Variants in NELL1 observed in about 807,000 individuals in gnomAD.
The protein encoded by NELL1 is protein kinase C-binding protein NELL1.
In NELL1, 76 loss-of-function variants were observed where a neutral mutation model predicts 107.4. The observed-to-expected ratio is 0.71, with a 90% confidence interval of 0.59 to 0.86. The LOEUF is 0.86. Ranked by LOEUF, NELL1 falls within the 40% of genes least tolerant of loss-of-function variation. NELL1 has a pLI of 0.00. For missense variants in NELL1, 1,024 were observed against 1,005.5 expected, an observed-to-expected ratio of 1.02 and a Z score of -0.25; for synonymous variants, 353 against 341.2, an observed-to-expected ratio of 1.03 and a Z score of -0.38.
chr11:20,777,351 C>T (rs1435973651), intron 2 of NELL1, among the ~76,000 whole-genome samples: 5 of 152,348 alleles, frequency 3.3e-5, no homozygotes, highest in Admixed American at 6.5e-5. Flanking sequence ...TGATTTCTCT[C>T]ATTCCGGCTT....
At chr11:21,568,611 T>C (rs1857026026) in intron 17 of NELL1, among the ~76,000 whole-genome samples, 1 of 151,902 alleles carries the variant, frequency 6.6e-6, no homozygotes, top group African/African-American at 2.4e-5. Flanking sequence ...ATTCTTATTC[T>C]ATAAGCTTTT....
At chr11:21,480,096 A>T (rs1854454929) in intron 15 of NELL1, among the ~76,000 whole-genome samples, 1 of 152,144 alleles carries the variant, frequency 6.6e-6, no homozygotes, top group South Asian at 2.1e-4. Flanking sequence ...TCTCATATAA[A>T]ATTCTCTATT....
chr11:21,214,882 A>T (rs1162697735), intron 13 of NELL1, among the ~76,000 whole-genome samples: 1 of 152,188 alleles, frequency 6.6e-6, no homozygotes, highest in East Asian at 1.9e-4. Context: ...TATTGCATAG[A>T]ACTATACACA....
intron 12 of NELL1, among the ~76,000 whole-genome samples, chr11:21,099,634 A>C (rs1011681836): frequency 2.0e-5 from 3 of 152,186 alleles, no homozygotes; most frequent in Non-Finnish European, 4.4e-5. Context: ...TGCAAGGTAT[A>C]TTATGTGCAC....
intron 4 of NELL1, among the ~76,000 whole-genome samples, chr11:20,861,832 G>A (rs549822155): frequency 1.2e-4 from 19 of 152,316 alleles, no homozygotes; most frequent in African/African-American, 4.6e-4. Context: ...GCCACTAGAT[G>A]TGCTACCCTT....
intron 15 of NELL1, among the ~76,000 whole-genome samples, chr11:21,505,008 T>A (rs912882934): frequency 1.7e-4 from 26 of 152,188 alleles, no homozygotes; most frequent in African/African-American, 6.3e-4. Context: ...CCTTTTTTAT[T>A]GTTTAGTTTG....
At chr11:21,127,747 C>T (rs2133752274) in intron 13 of NELL1, among the ~76,000 whole-genome samples, 1 of 152,280 alleles carries the variant, frequency 6.6e-6, no homozygotes, top group East Asian at 1.9e-4. Context: ...TTGTAGTCTA[C>T]ATTGTGGAAA....
chr11:21,275,435 G>C (rs1480589623), intron 14 of NELL1, among the ~76,000 whole-genome samples: 1 of 152,102 alleles, frequency 6.6e-6, no homozygotes, highest in Non-Finnish European at 1.5e-5. Context: ...AAAAGTCCAG[G>C]ACCAGATGGA....
At chr11:21,036,808 T>C (rs1233757787) in intron 12 of NELL1, among the ~76,000 whole-genome samples, 1 of 151,966 alleles carries the variant, frequency 6.6e-6, no homozygotes, top group Non-Finnish European at 1.5e-5. Flanking sequence ...TGTTTTCTGG[T>C]TTCCTTTGAT....
intron 14 of NELL1, among the ~76,000 whole-genome samples, chr11:21,340,620 T>TACACACACACACAC (rs71034506): frequency 2.2e-4 from 31 of 141,802 alleles, no homozygotes; most frequent in African/African-American, 7.2e-4. Flanking sequence ...TATGACGGGT[T>TACACACACACACAC]ACACACACAC....
chr11:21,354,794 C>T (rs1850893181), intron 14 of NELL1, among the ~76,000 whole-genome samples: 1 of 152,168 alleles, frequency 6.6e-6, no homozygotes, highest in Admixed American at 6.5e-5. Context: ...TAATTCCATG[C>T]AGTTATATAA....
intron 3 of NELL1, among the ~76,000 whole-genome samples, chr11:20,799,412 G>A (rs1002603549): frequency 3.3e-5 from 5 of 152,138 alleles, no homozygotes; most frequent in Admixed American, 3.3e-4. Flanking sequence ...ATGTGCAAAG[G>A]AAGTCTACCC....
At chr11:21,457,001 C>T (rs927711243) in intron 15 of NELL1, among the ~76,000 whole-genome samples, 1 of 147,192 alleles carries the variant, frequency 6.8e-6, no homozygotes. Context: ...CACACACACA[C>T]ACCACCCTGA....
chr11:20,870,362 T>C (rs1849173627), intron 4 of NELL1, among the ~76,000 whole-genome samples: 1 of 152,186 alleles, frequency 6.6e-6, no homozygotes, highest in African/African-American at 2.4e-5. Context: ...TAATTTTTAT[T>C]TTATCATTCA....
chr11:21,448,317 T>G (rs529947158), intron 15 of NELL1, among the ~76,000 whole-genome samples: 1 of 152,138 alleles, frequency 6.6e-6, no homozygotes, highest in Non-Finnish European at 1.5e-5. Context: ...GATATTAAAA[T>G]TTTTTTATGC....
At chr11:21,471,302 G>C (rs1288818526) in intron 15 of NELL1, among the ~76,000 whole-genome samples, 1 of 151,998 alleles carries the variant, frequency 6.6e-6, no homozygotes, top group African/African-American at 2.4e-5. Context: ...TGGAGGATGG[G>C]AATAAAATTT....
At chr11:20,919,426 C>A in intron 7 of NELL1, 92 bp downstream of exon 7, 2 of 757,006 alleles carry the variant, frequency 2.6e-6, no homozygotes, top group Non-Finnish European at 2.3e-6. Flanking sequence ...ACATTTTTAG[C>A]CTCGGCATCT....
chr11:20,806,252 TTGTG>T (rs3045512), intron 3 of NELL1, among the ~76,000 whole-genome samples: 94,033 of 148,524 alleles, frequency 0.63, 32,611 homozygotes, highest in East Asian at 0.89. Flanking sequence ...TGTGAAGCAT[TTGTG>T]TGTGTGTGTG....
chr11:21,271,458 C>G (rs1473482732), intron 14 of NELL1, among the ~76,000 whole-genome samples: 1 of 152,118 alleles, frequency 6.6e-6, no homozygotes, highest in African/African-American at 2.4e-5. Context: ...AGGCCTATAT[C>G]TATTACAGAA....
Sources: allele counts gnomAD v4.1 joint callset (sites outside exome capture counted in the v4.1 genomes callset), GRCh38; gene constraint gnomAD v4.1.1; transcripts MANE v1.5; gene names NCBI Gene and HGNC (gene_info 2026-07-23, HGNC 2026-07-21).